UTRN: variants seen among roughly 807,000 people sequenced by gnomAD.
UTRN encodes the protein utrophin, also known as dystrophin-related protein 1.
Under a neutral mutation model 463.9 loss-of-function variants are expected in UTRN, and 283 were observed. The observed-to-expected ratio is 0.61, with a 90% CI of 0.55 to 0.67. UTRN has a LOEUF of 0.67. UTRN is among the 30% of genes least tolerant of loss of function. The pLI, the probability that UTRN is intolerant of heterozygous loss-of-function variation, is 0.00. For missense variants in UTRN, 3,922 were observed against 4,084.3 expected, an observed-to-expected ratio of 0.96 and a Z score of 1.08; for synonymous variants, 1,442 against 1,431.5, an observed-to-expected ratio of 1.01 and a Z score of -0.17.
chr6:144,837,156 C>A (rs1781173139), intron 71 of UTRN: 1 of 152,944 alleles, frequency 6.5e-6, no homozygotes, highest in African/African-American at 2.4e-5. Flanking sequence ...TTTTCCCTTT[C>A]TTCCTCCCTC....
At chr6:144,322,352 G>T (rs914989270) in intron 2 of UTRN, among the ~76,000 whole-genome samples, 4 of 152,142 alleles carry the variant, frequency 2.6e-5, no homozygotes, top group African/African-American at 9.7e-5. Context: ...TGAGCACCTG[G>T]TGAGCATTCA....
At chr6:144,707,836 T>A (rs1041726786) in intron 53 of UTRN, among the ~76,000 whole-genome samples, 1 of 152,014 alleles carries the variant, frequency 6.6e-6, no homozygotes, top group African/African-American at 2.4e-5. Flanking sequence ...TAAGAGTGAA[T>A]GTGTGTGTGT....
Position 144,461,357 on chromosome 6 carries a change from C to T in UTRN, c.2853+15C>T. ...AAGAAAAAAAGGTAACATATATCTTCCATGTTAGAACTCTAGCGCTTCTTC... is the reference window on the plus strand; with the variant it reads ...AAGAAAAAAAGGTAACATATATCTTTCATGTTAGAACTCTAGCGCTTCTTC... On this transcript the variant is annotated intron_variant, in intron 22 of 74. Coordinates refer to ENST00000367545, the MANE Select transcript of UTRN (RefSeq NM_007124.3). 6.5e-7 allele frequency: 1 copy of T among 1,529,186 alleles called. No individual in the cohort carries two copies. Among genetic ancestry groups the T allele is most frequent in the South Asian group, 1.3e-5 (1 of 75,622 alleles). 94.7% of individuals were successfully genotyped at this position (1,529,186 alleles called of 1,614,324 possible). A position where few individuals can be genotyped will look rare whatever the true frequency, so the allele number is the denominator to read the frequency against.
chr6:144,368,538 G>A (rs927618873), intron 2 of UTRN, among the ~76,000 whole-genome samples: 3 of 152,082 alleles, frequency 2.0e-5, no homozygotes, highest in Admixed American at 1.3e-4. Flanking sequence ...TTGGGAGGCC[G>A]AGGTAGGCGG....
intron 14 of UTRN, among the ~76,000 whole-genome samples, chr6:144,447,010 C>T (rs1787760714): frequency 1.3e-5 from 2 of 152,160 alleles, no homozygotes; most frequent in Non-Finnish European, 2.9e-5. Context: ...TGTTCTGTTA[C>T]AAATCTGAGA....
chr6:144,607,322 A>G lies in UTRN; in HGVS notation c.7479+30034A>G, dbSNP rs149653645. Among the ~76,000 whole-genome samples the G allele has an allele frequency of 4.1e-3, 631 of 152,138 alleles. 3 individuals are homozygous for G. Among genetic ancestry groups the G allele is most frequent in the Non-Finnish European group, 6.2e-3 (422 of 68,014 alleles). ...CCCAGTTTGGAAAATTCTGCAAATTATGCTTTCCTTTGGAGCTGCACGATG... is the reference window on the plus strand; with the variant it reads ...CCCAGTTTGGAAAATTCTGCAAATTGTGCTTTCCTTTGGAGCTGCACGATG... On this transcript the variant is annotated intron_variant, in intron 51 of 74. Coordinates refer to ENST00000367545, the MANE Select transcript of UTRN (RefSeq NM_007124.3).
At chr6:144,797,040 A>G (rs1457090415) in intron 63 of UTRN, among the ~76,000 whole-genome samples, 1 of 152,198 alleles carries the variant, frequency 6.6e-6, no homozygotes, top group Non-Finnish European at 1.5e-5. Flanking sequence ...TGCAAAGTAC[A>G]TCCATAGCAA....
intron 54 of UTRN, among the ~76,000 whole-genome samples, chr6:144,732,301 T>TA (rs761121215): frequency 3.5e-4 from 45 of 126,908 alleles, no homozygotes; most frequent in Middle Eastern, 4.6e-3. Context: ...TATATACACA[T>TA]ATATATATAT....
chr6:144,518,602 A>G (rs754629462), intron 39 of UTRN, among the ~76,000 whole-genome samples: 5 of 152,162 alleles, frequency 3.3e-5, no homozygotes, highest in Non-Finnish European at 5.9e-5. Flanking sequence ...AGATTATATT[A>G]TAGTTCTCTG....
At chr6:144,557,079 G>A (rs901068692) in intron 49 of UTRN, 78 bp from the exon 50 acceptor site, 3 of 1,501,866 alleles carry the variant, frequency 2.0e-6, no homozygotes, top group African/African-American at 2.8e-5. Flanking sequence ...GTCAAAATCT[G>A]CTGGGAGTAC....
At chr6:144,425,916 C>T (rs566611807) in intron 6 of UTRN, among the ~76,000 whole-genome samples, 1 of 152,300 alleles carries the variant, frequency 6.6e-6, no homozygotes, top group Admixed American at 6.5e-5. Context: ...TTTCCTTTCT[C>T]ATTTTTGTAG....
intron 51 of UTRN, among the ~76,000 whole-genome samples, chr6:144,589,005 G>T (rs1041985814): frequency 2.6e-5 from 4 of 152,158 alleles, no homozygotes; most frequent in Non-Finnish European, 5.9e-5. Flanking sequence ...AGTTTGTTCA[G>T]TTCTGTGGAA....
In UTRN at chr6:144,473,760, A is replaced by G. The variant is rs568931196; in HGVS notation, c.3107A>G (p.Lys1036Arg). The change falls in exon 24 of 75, where the codon AAA becomes AGA. Residue 1036 changes from lysine to arginine, a missense_variant. By Grantham distance (26) the Lys-to-Arg change is conservative. Transcript: ENST00000367545. Reference protein sequence around the residue: ...TVIEKWMDGVKDFLMKQQAAQ... With the variant: ...TVIEKWMDGVRDFLMKQQAAQ... ...ATTGAGAAGTGGATGGATGGCGTGA[A>G]AGACTTCTTAATGAAACAGCAGGCT... 69 of 1,614,048 alleles carry G rather than the reference A, an allele frequency of 4.3e-5. No homozygotes were observed. In the South Asian group the frequency reaches 6.7e-4, roughly 16 times the overall value.
chr6:144,545,465 A>T (rs1027525283), intron 46 of UTRN, among the ~76,000 whole-genome samples: 1 of 152,200 alleles, frequency 6.6e-6, no homozygotes, highest in Non-Finnish European at 1.5e-5. Context: ...TTCTGTTTCA[A>T]ATACACTGGT....
intron 51 of UTRN, among the ~76,000 whole-genome samples, chr6:144,647,216 T>A (rs1778392538): frequency 6.6e-6 from 1 of 152,228 alleles, no homozygotes; most frequent in South Asian, 2.1e-4. Context: ...TGAACTGATA[T>A]ATTTAATTAG....
chr6:144,330,308 C>T (rs1160155839), intron 2 of UTRN, among the ~76,000 whole-genome samples: 1 of 152,168 alleles, frequency 6.6e-6, no homozygotes, highest in Non-Finnish European at 1.5e-5. Flanking sequence ...CTGCATTTCA[C>T]TCAGTAGTAT....
At position 144,793,844 on chromosome 6, in the gene UTRN, G is replaced by C. The variant is rs746590192; in HGVS notation, c.8931G>C (p.Lys2977Asn). 6.2e-7 allele frequency: 1 copy of C among 1,613,926 alleles called. No homozygotes were observed. The highest frequency in any genetic ancestry group is 8.5e-7 in the Non-Finnish European group (1 of 1,179,908). ...TGCCTCTCTTTGCAGATCTCTTTAA[G>C]GAAGTTGCAGGGCCAACAGAAATGT... is the stretch of plus-strand genomic sequence containing the variant. ...LLEEKYRYLF[K>N]EVAGPTEMCD... is the part of the protein sequence containing the mutation. Residue 2977 changes from lysine to asparagine, a missense_variant, in exon 63 of 75, where the codon AAG (lysine) becomes AAC (asparagine). By Grantham distance (94) the Lys-to-Asn change is moderately conservative. Coordinates refer to ENST00000367545, the MANE Select transcript of UTRN (RefSeq NM_007124.3).
At chr6:144,640,405 A>G (rs59013624) in intron 51 of UTRN, among the ~76,000 whole-genome samples, 2 of 152,298 alleles carry the variant, frequency 1.3e-5, no homozygotes, top group East Asian at 1.9e-4. Flanking sequence ...GTATAATACC[A>G]AGGAACCCCA....
At chr6:144,633,227 C>CTT (rs34812473) in intron 51 of UTRN, among the ~76,000 whole-genome samples, 5,338 of 131,686 alleles carry the variant, frequency 0.041, 381 homozygotes, top group African/African-American at 0.13. Context: ...ACTACTTCTC[C>CTT]TTTTTTTTTT....
Sources: gnomAD v4.1 joint callset for allele counts (sites outside exome capture counted in the v4.1 genomes callset) on GRCh38, gnomAD v4.1.1 for gene constraint, MANE v1.5 for transcripts, NCBI Gene and HGNC (gene_info 2026-07-23, HGNC 2026-07-21) for gene names.